The following TRAPPC12 variants were observed in gnomAD, a reference collection of about 807,000 sequenced individuals.
TRAPPC12 encodes TPR repeat protein 15.
TRAPPC12 carries 61 observed loss-of-function variants against 69.2 expected under a neutral mutation model. The ratio of observed to expected loss-of-function variants is 0.88; its 90% CI spans 0.72 to 1.09. The LOEUF is 1.09. TRAPPC12 is among the 50% of genes least tolerant of loss of function. TRAPPC12 has a pLI of 0.00. For synonymous variants in TRAPPC12, 469 were observed against 438.9 expected, an observed-to-expected ratio of 1.07 and a Z score of -0.86; for missense variants, 1,101 against 1,016.4, an observed-to-expected ratio of 1.08 and a Z score of -1.13.
At position 3,388,682 on chromosome 2, in the gene TRAPPC12, T is replaced by C; in HGVS notation, c.1047+12T>C. On this transcript the variant is annotated intron_variant, in intron 2 of 11. Coordinates refer to ENST00000324266, the MANE Select transcript of TRAPPC12 (RefSeq NM_016030.6). ...TCGACAACATCCAGGTGAGCCCGGG[T>C]CTCCCACCTCCGCAGCCCGTGCCTC... 1 of 1,526,274 alleles carries C rather than the reference T, an allele frequency of 6.6e-7. No individual in the cohort carries two copies. Among genetic ancestry groups the C allele is most frequent in the Non-Finnish European group, 8.8e-7 (1 of 1,132,588 alleles). The allele number at this position is 1,526,274 out of a possible 1,614,324, so 94.5% of individuals were successfully genotyped here. A position where few individuals can be genotyped will look rare whatever the true frequency, so the allele number is the denominator to read the frequency against.
At chr2:3,473,303 A>G (rs1353535101) in intron 9 of TRAPPC12, among the ~76,000 whole-genome samples, 1 of 152,138 alleles carries the variant, frequency 6.6e-6, no homozygotes, top group Non-Finnish European at 1.5e-5. Context: ...AAGCTAGGGT[A>G]CTCTGAAATA....
chr2:3,463,324 A>C (rs1665610131), intron 8 of TRAPPC12, among the ~76,000 whole-genome samples: 2 of 151,818 alleles, frequency 1.3e-5, no homozygotes, highest in Non-Finnish European at 2.9e-5. Context: ...ACACACAGAC[A>C]CGTGTCATGT....
chr2:3,464,526 T>A (rs1169879837), intron 8 of TRAPPC12, among the ~76,000 whole-genome samples: 2 of 152,166 alleles, frequency 1.3e-5, no homozygotes, highest in Non-Finnish European at 2.9e-5. Context: ...GATTATACGA[T>A]GAGTAAGTAA....
intron 2 of TRAPPC12, among the ~76,000 whole-genome samples, chr2:3,392,694 G>T (rs920098869): frequency 6.6e-6 from 1 of 152,242 alleles, no homozygotes; most frequent in East Asian, 1.9e-4. Context: ...AGCAAGAGTT[G>T]GTGAGGGTGT....
intron 5 of TRAPPC12, among the ~76,000 whole-genome samples, chr2:3,432,332 T>A (rs1420838603): frequency 6.6e-6 from 1 of 152,220 alleles, no homozygotes; most frequent in Non-Finnish European, 1.5e-5. Context: ...ATCTCTCTAC[T>A]CTTCCATCAG....
intron 3 of TRAPPC12, among the ~76,000 whole-genome samples, chr2:3,403,021 T>C (rs986349091): frequency 6.6e-6 from 1 of 152,222 alleles, no homozygotes; most frequent in Admixed American, 6.5e-5. Flanking sequence ...GAAACTCATG[T>C]TGAAATGCGC....
At chr2:3,382,382 C>T (rs1023293838) in intron 1 of TRAPPC12, among the ~76,000 whole-genome samples, 1 of 152,100 alleles carries the variant, frequency 6.6e-6, no homozygotes, top group South Asian at 2.1e-4. Context: ...GTCCGCCTGC[C>T]TCGGCCTCCC....
chr2:3,420,673 T>C (rs1662729139), intron 3 of TRAPPC12, among the ~76,000 whole-genome samples: 1 of 152,134 alleles, frequency 6.6e-6, no homozygotes, highest in Non-Finnish European at 1.5e-5. Flanking sequence ...AGCTCCTGCC[T>C]GAGGAAGCCC....
intron 3 of TRAPPC12, among the ~76,000 whole-genome samples, chr2:3,404,728 C>T (rs372643244): frequency 1.3e-4 from 20 of 151,814 alleles, no homozygotes; most frequent in African/African-American, 3.6e-4. Context: ...AATGGGTACA[C>T]GGCGTCTTCT....
chr2:3,431,043 G>A (rs1558377598), intron 5 of TRAPPC12, among the ~76,000 whole-genome samples: 1 of 152,164 alleles, frequency 6.6e-6, no homozygotes, highest in Non-Finnish European at 1.5e-5. Context: ...GTGTTGGGAA[G>A]AGAGTCTACA....
intron 3 of TRAPPC12, among the ~76,000 whole-genome samples, chr2:3,411,841 T>C (rs1242077183): frequency 1.3e-5 from 2 of 152,258 alleles, no homozygotes; most frequent in African/African-American, 4.8e-5. Context: ...CTCCCCATTG[T>C]CGTTCAGAAG....
rs139477652 is a variant in TRAPPC12, at chr2:3,385,946, C to T, written c.-4-1674C>T. On this transcript the variant is annotated intron_variant, in intron 1 of 11. Coordinates refer to ENST00000324266, the MANE Select transcript of TRAPPC12 (RefSeq NM_016030.6). ...TGGGGTTCTAGGGCAATTTGTTCTT[C>T]GGGCTCCCGGTGAAACATGGCAGGA... Among the ~76,000 whole-genome samples the T allele has an allele frequency of 1.5e-3, 221 of 152,300 alleles. 4 individuals are homozygous for T. Among genetic ancestry groups the T allele is most frequent in the Non-Finnish European group, 1.5e-3 (104 of 68,030 alleles).
intron 3 of TRAPPC12, among the ~76,000 whole-genome samples, chr2:3,416,930 T>C (rs1213229703): frequency 2.1e-5 from 3 of 144,316 alleles, no homozygotes; most frequent in Non-Finnish European, 4.5e-5. Context: ...GCCCCTTCAC[T>C]GTGCCCTGCT....
chr2:3,410,464 T>C (rs1661995695), intron 3 of TRAPPC12, among the ~76,000 whole-genome samples: 1 of 152,214 alleles, frequency 6.6e-6, no homozygotes, highest in Admixed American at 6.5e-5. Flanking sequence ...TGGCAAAAGC[T>C]GAAGGCTTTT....
intron 6 of TRAPPC12, chr2:3,456,261 T>C (rs1196964767): frequency 2.0e-5 from 3 of 152,206 alleles, no homozygotes; most frequent in Non-Finnish European, 1.5e-5. Flanking sequence ...GAGGAGAGGC[T>C]GCTTTCATCC....
chr2:3,461,901 C>T (rs1297249036), intron 8 of TRAPPC12, among the ~76,000 whole-genome samples: 3 of 152,248 alleles, frequency 2.0e-5, no homozygotes, highest in South Asian at 2.1e-4. Context: ...ACCCCTCTGC[C>T]TCCCAAAACA....
At position 3,388,786 on chromosome 2, in the gene TRAPPC12, CAT is replaced by C. The variant is rs1660658363; in HGVS notation, c.1047+117_1047+118del. 2.8e-6 allele frequency: 3 copies of C among 1,078,768 alleles called. No homozygotes were observed. In the Admixed American group the frequency reaches 8.9e-5, roughly 32 times the overall value. The allele number at this position is 1,078,768 out of a possible 1,614,324, so 66.8% of individuals were successfully genotyped here. On this transcript the variant is annotated intron_variant, in intron 2 of 11. Coordinates refer to ENST00000324266, the MANE Select transcript of TRAPPC12 (RefSeq NM_016030.6). Reference sequence around the variant, plus strand: ...AGGCCTTGTTTTCAGTAATTCCTAACATCCCATTGTGAGCGCCTGTGTTCCTC... The same window carrying C: ...AGGCCTTGTTTTCAGTAATTCCTAACCCCATTGTGAGCGCCTGTGTTCCTC...
At chr2:3,424,069 C>T (rs1662965088) in intron 4 of TRAPPC12, among the ~76,000 whole-genome samples, 1 of 152,226 alleles carries the variant, frequency 6.6e-6, no homozygotes. Context: ...GCCGTCATTC[C>T]CCCGCCCTCC....
At chr2:3,470,199 T>C (rs945447308) in intron 9 of TRAPPC12, among the ~76,000 whole-genome samples, 1 of 152,248 alleles carries the variant, frequency 6.6e-6, no homozygotes, top group African/African-American at 2.4e-5. Context: ...CTGCAAGAAC[T>C]GTGGTTTTCC....
Sources: allele counts gnomAD v4.1 joint callset (sites outside exome capture counted in the v4.1 genomes callset), GRCh38; gene constraint gnomAD v4.1.1; transcripts MANE v1.5; gene names NCBI Gene and HGNC (gene_info 2026-07-23, HGNC 2026-07-21).